Variants in AZIN1 observed in about 807,000 individuals in gnomAD.
AZIN1 encodes the protein ornithine decarboxylase antizyme inhibitor.
AZIN1 carries 12 observed loss-of-function variants against 47.4 expected under a neutral mutation model. The ratio of observed to expected loss-of-function variants is 0.25; its 90% CI spans 0.16 to 0.41. The LOEUF is 0.41. AZIN1 is among the 10% of genes least tolerant of loss of function. The pLI is 1.00. For missense variants in AZIN1, 410 were observed against 532.4 expected (o/e 0.77, Z 2.26); for synonymous variants, 155 against 176.3 (o/e 0.88, Z 0.96).
At chr8:102,834,779 G>A (rs149083461) in intron 6 of AZIN1, 32 bp from the exon 7 acceptor site, 5 of 1,501,524 alleles carry the variant, frequency 3.3e-6, no homozygotes, top group Non-Finnish European at 4.6e-6. Context: ...ATTTAAAGGA[G>A]CAGAAAGTTG....
chr8:102,863,795 C>G lies in AZIN1; in HGVS notation c.-234+12G>C, dbSNP rs745449710. On this transcript the variant is annotated intron_variant, in intron 1 of 11. Coordinates refer to ENST00000337198, the MANE Select transcript of AZIN1 (RefSeq NM_148174.4). ...TCCTGGCCCCTCCCGCGCTCCTCGG[C>G]TCGGTACTCACGTGAGATAACGGCC... The G allele has an allele frequency of 8.5e-5, 13 of 152,786 alleles. No individual in the cohort carries two copies. The highest frequency in any genetic ancestry group is 5.2e-4 in the Admixed American group (8 of 15,304). The allele number at this position is 152,786 out of a possible 1,614,324, so 9.5% of individuals were successfully genotyped here.
chr8:102,837,638 A>AT (rs1317828822), intron 5 of AZIN1, among the ~76,000 whole-genome samples: 2 of 152,182 alleles, frequency 1.3e-5, no homozygotes, highest in African/African-American at 4.8e-5. Context: ...ACAGAACAAT[A>AT]TTTTTTAGAA....
At chr8:102,829,135 TCATTAAGTAACTA>T in intron 11 of AZIN1, 124 bp downstream of exon 11, 1 of 737,250 alleles carries the variant, frequency 1.4e-6, no homozygotes, top group South Asian at 1.8e-5. Context: ...CAAATTCCCA[TCATTAAGTAACTA>T]CACTGTATAG....
chr8:102,834,299 A>C, intron 7 of AZIN1, 36 bp from the exon 8 acceptor site: 1 of 1,540,922 alleles, frequency 6.5e-7, no homozygotes, highest in Non-Finnish European at 8.9e-7. Context: ...ATGTTTTTCC[A>C]AATTGTAATG....
Position 102,843,729 on chromosome 8 carries a change from C to A in AZIN1, c.-77G>T. ...CGGGCCACCAAGCCTATGTCTGGGT[C>A]CTTAGAATATGCAACAAACTGTCAA... On this transcript the variant is annotated 5_prime_UTR_variant, in exon 3 of 12. Transcript: ENST00000337198. 1 of 1,576,942 alleles carries A rather than the reference C, an allele frequency of 6.3e-7. No homozygotes were observed. The highest frequency in any genetic ancestry group is 1.4e-5 in the African/African-American group (1 of 73,034).
chr8:102,827,415 G>A lies in AZIN1; in HGVS notation c.*1152C>T, dbSNP rs1811174643. The A allele has an allele frequency of 6.6e-6, 1 of 152,162 alleles. No homozygotes were observed. The highest frequency in any genetic ancestry group is 6.5e-5 in the Admixed American group (1 of 15,268). 9.4% of individuals were successfully genotyped at this position (152,162 alleles called of 1,614,324 possible). On this transcript the variant is annotated 3_prime_UTR_variant, in exon 12 of 12. Coordinates refer to ENST00000337198, the MANE Select transcript of AZIN1 (RefSeq NM_148174.4). The stretch of plus-strand genomic sequence containing the variant: ...GAAATAACAAGAAACTAAGGGGACA[G>A]TTCAAACCAACAACAAAAAATCCTA...
intron 1 of AZIN1, among the ~76,000 whole-genome samples, 180 bp from the exon 2 acceptor site, chr8:102,858,330 A>G (rs552773246): frequency 2.4e-4 from 37 of 152,216 alleles, no homozygotes; most frequent in Non-Finnish European, 3.8e-4. Flanking sequence ...TGCAGTAAAC[A>G]TTTCCAAGCT....
intron 1 of AZIN1, among the ~76,000 whole-genome samples, chr8:102,859,368 CATT>C (rs1813487290): frequency 6.6e-6 from 1 of 152,192 alleles, no homozygotes; most frequent in Non-Finnish European, 1.5e-5. Flanking sequence ...CTAGGTAAGA[CATT>C]ATTCATCTTT....
At chr8:102,844,632 T>C (rs1812443322) in intron 2 of AZIN1, among the ~76,000 whole-genome samples, 1 of 110,464 alleles carries the variant, frequency 9.1e-6, no homozygotes, top group Non-Finnish European at 1.9e-5. Flanking sequence ...AACAGGTTGT[T>C]GTAAAAAAAA....
chr8:102,844,082 C>A (rs1586180553), intron 2 of AZIN1, among the ~76,000 whole-genome samples: 1 of 152,130 alleles, frequency 6.6e-6, no homozygotes, highest in East Asian at 1.9e-4. Flanking sequence ...ATAATTTTAC[C>A]CATTTTAAGA....
intron 1 of AZIN1, among the ~76,000 whole-genome samples, chr8:102,862,252 G>A (rs1003269402): frequency 6.6e-6 from 1 of 152,082 alleles, no homozygotes; most frequent in African/African-American, 2.4e-5. Flanking sequence ...AATAGTAAGC[G>A]GTACTGAGCT....
chr8:102,855,077 G>A (rs562166968), intron 2 of AZIN1, among the ~76,000 whole-genome samples: 6 of 151,782 alleles, frequency 4.0e-5, no homozygotes, highest in Admixed American at 1.3e-4. Context: ...TTTTTGAGAC[G>A]GAGATTTGCT....
chr8:102,838,957 G>T (rs751557174), intron 4 of AZIN1, 41 bp from the exon 5 acceptor site: 1 of 1,550,426 alleles, frequency 6.4e-7, no homozygotes, highest in Non-Finnish European at 8.8e-7. Context: ...TAATGTCACA[G>T]TTCATATTCT....
intron 2 of AZIN1, among the ~76,000 whole-genome samples, chr8:102,846,370 T>C (rs765597224): frequency 6.6e-6 from 1 of 152,216 alleles, no homozygotes; most frequent in African/African-American, 2.4e-5. Context: ...TCAAACCATA[T>C]AATTTCATAG....
intron 8 of AZIN1, 67 bp downstream of exon 8, chr8:102,834,122 A>G: frequency 1.1e-5 from 15 of 1,304,964 alleles, no homozygotes; most frequent in Non-Finnish European, 1.7e-5. Flanking sequence ...ATCCTGCTCT[A>G]CACATCCACC....
intron 1 of AZIN1, chr8:102,859,059 T>C (rs1383088230): frequency 1.3e-5 from 2 of 152,188 alleles, no homozygotes; most frequent in African/African-American, 4.8e-5. Flanking sequence ...TCAGAAGCAC[T>C]GTAGGCATAC....
intron 7 of AZIN1, 41 bp from the exon 8 acceptor site, chr8:102,834,304 G>A (rs1811675040): frequency 1.3e-6 from 2 of 1,516,944 alleles, no homozygotes; most frequent in East Asian, 4.5e-5. Flanking sequence ...TTTCCAAATT[G>A]TAATGGATAT....
intron 1 of AZIN1, among the ~76,000 whole-genome samples, 173 bp from the exon 2 acceptor site, chr8:102,858,323 A>T (rs988321819): frequency 2.0e-5 from 3 of 152,262 alleles, no homozygotes; most frequent in African/African-American, 7.2e-5. Flanking sequence ...TACTTTATGC[A>T]GTAAACATTT....
At chr8:102,863,719 CG>C (rs1188814479) in intron 1 of AZIN1, 87 bp downstream of exon 1, 4 of 151,724 alleles carry the variant, frequency 2.6e-5, no homozygotes, top group Non-Finnish European at 4.4e-5. Flanking sequence ...GTCTTAAGGG[CG>C]GCGGGGCCCA....
Sources: allele counts gnomAD v4.1 joint callset (sites outside exome capture counted in the v4.1 genomes callset), GRCh38; gene constraint gnomAD v4.1.1; transcripts MANE v1.5; gene names NCBI Gene and HGNC (gene_info 2026-07-23, HGNC 2026-07-21).